Variants in XKR4 observed in about 807,000 individuals in gnomAD.
The protein encoded by XKR4 is XK related 4, also known as XK-related protein 4.
A neutral mutation model predicts 53.9 loss-of-function variants in XKR4; 12 were observed. The observed-to-expected ratio is 0.22, with a 90% CI of 0.14 to 0.36. The LOEUF (loss-of-function observed/expected upper bound fraction) is 0.36. XKR4 is among the 10% of genes least tolerant of loss of function. The pLI is 1.00. For synonymous variants in XKR4, 354 were observed against 362.4 expected (o/e 0.98, Z 0.26); for missense variants, 799 against 859.5 (o/e 0.93, Z 0.88).
intron 1 of XKR4, among the ~76,000 whole-genome samples, chr8:55,111,938 C>T (rs762147009): frequency 7.2e-5 from 11 of 152,106 alleles, no homozygotes; most frequent in Non-Finnish European, 1.3e-4. Flanking sequence ...ATATGACATC[C>T]AGGCCTATCC....
At chr8:55,452,369 C>G (rs1052728666) in intron 2 of XKR4, 18 of 630,754 alleles carry the variant, frequency 2.9e-5, no homozygotes, top group South Asian at 6.9e-5. Flanking sequence ...TGAGCATCCC[C>G]GTGAAGATGA....
chr8:55,390,850 A>G (rs1804434948), intron 2 of XKR4, among the ~76,000 whole-genome samples: 1 of 152,194 alleles, frequency 6.6e-6, no homozygotes, highest in Non-Finnish European at 1.5e-5. Flanking sequence ...CCCAGAATAT[A>G]GTTTTAGAAA....
intron 1 of XKR4, among the ~76,000 whole-genome samples, chr8:55,200,970 A>G (rs1817571128): frequency 6.6e-6 from 1 of 152,194 alleles, no homozygotes; most frequent in South Asian, 2.1e-4. Flanking sequence ...ATTTATATTA[A>G]CTAATAATGT....
Position 55,102,812 on chromosome 8 carries a change from A to G in XKR4, c.324A>G (p.Ser108=), listed in dbSNP as rs752023366. 2 of 1,607,316 alleles carry G rather than the reference A, an allele frequency of 1.2e-6. No individual in the cohort carries two copies. Among genetic ancestry groups the G allele is most frequent in the East Asian group, 2.2e-5 (1 of 44,810 alleles). ...LRLGREQRRY[S]LWDCLWILAA... ...TGGGCAGGGAGCAGCGGCGCTACTCACTGTGGGACTGCCTCTGGATCCTGG... is the reference window on the plus strand; with the variant it reads ...TGGGCAGGGAGCAGCGGCGCTACTCGCTGTGGGACTGCCTCTGGATCCTGG... The change falls in exon 1 of 3, where the codon TCA becomes TCG. Residue 108 remains serine, a synonymous_variant. Transcript: ENST00000327381. The surrounding 1 kb of genome is among the most constrained non-coding windows in gnomAD (Gnocchi z 5.1).
At chr8:55,468,898 T>A (rs1805828266) in intron 2 of XKR4, among the ~76,000 whole-genome samples, 2 of 152,178 alleles carry the variant, frequency 1.3e-5, no homozygotes, top group African/African-American at 4.8e-5. Context: ...TTTCAGATTC[T>A]GACTATGCAT....
At chr8:55,136,350 T>C (rs1416284513) in intron 1 of XKR4, among the ~76,000 whole-genome samples, 1 of 152,226 alleles carries the variant, frequency 6.6e-6, no homozygotes, top group Non-Finnish European at 1.5e-5. Flanking sequence ...ACTTGACAAA[T>C]ACTTGGGGTT....
At chr8:55,445,933 C>G (rs182219729) in intron 2 of XKR4, among the ~76,000 whole-genome samples, 49 of 152,362 alleles carry the variant, frequency 3.2e-4, no homozygotes, top group Admixed American at 3.1e-3. Context: ...AATCTCCTAA[C>G]AGAAAAGGCC....
At chr8:55,288,139 C>G (rs35668132) in intron 1 of XKR4, among the ~76,000 whole-genome samples, 54,594 of 152,014 alleles carry the variant, frequency 0.36, 12,015 homozygotes, top group Non-Finnish European at 0.49. Context: ...CCAGGGAAGC[C>G]AAAAGATTGG....
At chr8:55,272,615 T>G (rs1251165318) in intron 1 of XKR4, among the ~76,000 whole-genome samples, 1 of 152,188 alleles carries the variant, frequency 6.6e-6, no homozygotes, top group Admixed American at 6.5e-5. Flanking sequence ...GATCTCTGAC[T>G]GAATGTCTTC....
chr8:55,524,075 A>G lies in XKR4; in HGVS notation c.1801A>G (p.Arg601Gly). The G allele has an allele frequency of 1.2e-6, 2 of 1,614,258 alleles. No individual in the cohort carries two copies. The highest frequency in any genetic ancestry group is 1.6e-4 in the Middle Eastern group (1 of 6,062). ...EESVIKIDLF[R>G]NRYPAWERHV... ...ATCAGTCATTAAAATTGACTTGTTC[A>G]GGAATAGGTACCCAGCATGGGAGAG... Residue 601 changes from arginine to glycine, a missense_variant, in exon 3 of 3, where the codon AGG becomes GGG. Arg to Gly is a moderately radical substitution (Grantham distance 125). Transcript: ENST00000327381.
intron 1 of XKR4, among the ~76,000 whole-genome samples, chr8:55,217,580 T>C (rs1817820557): frequency 6.6e-6 from 1 of 152,188 alleles, no homozygotes; most frequent in Non-Finnish European, 1.5e-5. Context: ...CCAGAGATAC[T>C]CTTGCACTGA....
At chr8:55,473,967 A>T (rs1805933920) in intron 2 of XKR4, among the ~76,000 whole-genome samples, 1 of 150,262 alleles carries the variant, frequency 6.7e-6, no homozygotes, top group South Asian at 2.1e-4. Flanking sequence ...GTGCAGTGGC[A>T]CGATCATAGC....
chr8:55,412,020 T>C (rs1358620579), intron 2 of XKR4, among the ~76,000 whole-genome samples: 2 of 152,166 alleles, frequency 1.3e-5, no homozygotes, highest in African/African-American at 4.8e-5. Flanking sequence ...CTTTTTAACC[T>C]CTTTATGGCA....
intron 1 of XKR4, among the ~76,000 whole-genome samples, chr8:55,305,096 G>A (rs1819275344): frequency 6.6e-6 from 1 of 152,150 alleles, no homozygotes; most frequent in Admixed American, 6.6e-5. Flanking sequence ...TGGGACTACA[G>A]GGGAAAGGTC....
chr8:55,314,242 G>A (rs774861116), intron 1 of XKR4, among the ~76,000 whole-genome samples: 1 of 152,198 alleles, frequency 6.6e-6, no homozygotes, highest in Admixed American at 6.5e-5. Flanking sequence ...CGTGCCAAAA[G>A]CTGGCAGACA....
chr8:55,255,014 T>C (rs1818417871), intron 1 of XKR4, among the ~76,000 whole-genome samples: 1 of 152,218 alleles, frequency 6.6e-6, no homozygotes, highest in South Asian at 2.1e-4. Context: ...CCACACCCAG[T>C]GCACCGAATT....
At chr8:55,247,959 A>C (rs1818309348) in intron 1 of XKR4, among the ~76,000 whole-genome samples, 1 of 147,966 alleles carries the variant, frequency 6.8e-6, no homozygotes, top group South Asian at 2.1e-4. Flanking sequence ...AGGTTCAAGC[A>C]ATTCTCCTGC....
chr8:55,254,253 A>G (rs1818404292), intron 1 of XKR4, among the ~76,000 whole-genome samples: 1 of 152,072 alleles, frequency 6.6e-6, no homozygotes, highest in South Asian at 2.1e-4. Context: ...TCCATTCCAA[A>G]TAAGAAAAAT....
At chr8:55,346,353 T>G (rs1014636176) in intron 1 of XKR4, among the ~76,000 whole-genome samples, 3 of 152,222 alleles carry the variant, frequency 2.0e-5, no homozygotes, top group African/African-American at 7.2e-5. Context: ...CCCAAATTGC[T>G]GGGATTAGAG....
Sources: gnomAD v4.1 joint callset for allele counts (sites outside exome capture counted in the v4.1 genomes callset) on GRCh38, gnomAD v4.1.1 for gene constraint, Gnocchi (gnomAD v3.1) non-coding constraint, MANE v1.5 for transcripts, NCBI Gene and HGNC (gene_info 2026-07-23, HGNC 2026-07-21) for gene names.